Variants in GLP2R observed in about 807,000 individuals in gnomAD.
GLP2R encodes glucagon like peptide 2 receptor.
Under a neutral mutation model 68.2 loss-of-function variants are expected in GLP2R, and 59 were observed. The observed-to-expected ratio is 0.87, with a 90% CI of 0.70 to 1.07. The LOEUF (loss-of-function observed/expected upper bound fraction) is 1.07. Ranked by LOEUF, GLP2R falls within the 50% of genes least tolerant of loss-of-function variation. GLP2R has a pLI of 0.00. For missense variants in GLP2R, 548 were observed against 677.4 expected (o/e 0.81, Z 2.12); for synonymous variants, 270 against 265.4 (o/e 1.02, Z -0.17).
intron 9 of GLP2R, among the ~76,000 whole-genome samples, chr17:9,862,819 G>A (rs114484522): frequency 1.1e-3 from 165 of 152,274 alleles, no homozygotes; most frequent in African/African-American, 3.6e-3. Context: ...TGAACACTAC[G>A]TGTTGTTCTC....
chr17:9,867,093 C>T (rs1265940608), intron 9 of GLP2R: 1 of 152,192 alleles, frequency 6.6e-6, no homozygotes, highest in East Asian at 1.9e-4. Flanking sequence ...CTTGGCATTT[C>T]TAGGTACTTA....
intron 11 of GLP2R, among the ~76,000 whole-genome samples, chr17:9,885,235 G>A (rs973111507): frequency 1.3e-5 from 2 of 151,118 alleles, no homozygotes; most frequent in African/African-American, 4.9e-5. Context: ...TGTTGCCCAG[G>A]CTGGAGTGCA....
At chr17:9,830,386 G>A (rs2066669975) in intron 1 of GLP2R, among the ~76,000 whole-genome samples, 1 of 152,186 alleles carries the variant, frequency 6.6e-6, no homozygotes, top group South Asian at 2.1e-4. Context: ...CAACTCATCT[G>A]CTGAATTTGT....
Position 9,842,527 on chromosome 17 carries a change from G to A in GLP2R, c.415G>A (p.Ala139Thr). 10 of 1,614,110 alleles carry A rather than the reference G, an allele frequency of 6.2e-6. No individual in the cohort carries two copies. Among genetic ancestry groups the A allele is most frequent in the South Asian group, 1.1e-5 (1 of 91,072 alleles). ...SSGRAYRHCL[A>T]QGTWQTIENA... ...AGGAAGGGCCTACAGACACTGCTTG[G>A]CTCAGGGGACTTGGCAGACGATAGA... Residue 139 changes from alanine to threonine, a missense_variant, in exon 4 of 13, where the codon GCT (alanine) becomes ACT (threonine). Coordinates refer to ENST00000262441, the MANE Select transcript of GLP2R (RefSeq NM_004246.3).
At chr17:9,836,039 CAAAAAAA>C (rs10706067) in intron 2 of GLP2R, among the ~76,000 whole-genome samples, 16 of 87,194 alleles carry the variant, frequency 1.8e-4, no homozygotes, top group South Asian at 4.1e-4. Flanking sequence ...ACTCCATCTC[CAAAAAAA>C]AAAAAAAAAA....
In GLP2R at chr17:9,878,762, C is replaced by T. The variant is rs571785431; in HGVS notation, c.1146-1616C>T. Among the ~76,000 whole-genome samples the T allele has an allele frequency of 2.0e-5, 3 of 152,278 alleles. No individual in the cohort carries two copies. The South Asian group carries it at 6.2e-4, about 32-fold the overall frequency. ...TTGATAACATTGCATCTGAATGGCCCTTGCAGACATAGGATTCATAGTAAG... is the reference window on the plus strand; with the variant it reads ...TTGATAACATTGCATCTGAATGGCCTTTGCAGACATAGGATTCATAGTAAG... On this transcript the variant is annotated intron_variant, in intron 10 of 12. Coordinates refer to ENST00000262441, the MANE Select transcript of GLP2R (RefSeq NM_004246.3).
At chr17:9,887,882 C>T in intron 11 of GLP2R, 50 bp from the exon 12 acceptor site, 1 of 1,420,878 alleles carries the variant, frequency 7.0e-7, no homozygotes, top group Non-Finnish European at 1.0e-6. Context: ...AACTCTCAGA[C>T]ACATCTTCTC....
chr17:9,883,889 C>A (rs2067218776), intron 11 of GLP2R, among the ~76,000 whole-genome samples: 1 of 152,130 alleles, frequency 6.6e-6, no homozygotes. Context: ...AAAACGACAA[C>A]AGACAGCAAC....
rs192127069 is a variant in GLP2R at position 9,860,287 on chromosome 17, C to T, written c.925+186C>T. Among the ~76,000 whole-genome samples the T allele has an allele frequency of 9.8e-5, 15 of 152,304 alleles. No individual in the cohort carries two copies. The East Asian group carries it at 2.7e-3, about 27-fold the overall frequency. ...CAAATGCACACATATGCACAGGGGC[C>T]ATAGGCCCAACAGCCCAATGGACAC... is the stretch of plus-strand genomic sequence containing the variant. On this transcript the variant is annotated intron_variant, in intron 7 of 12. Transcript: ENST00000262441.
intron 1 of GLP2R, among the ~76,000 whole-genome samples, chr17:9,829,020 T>C (rs1034689901): frequency 1.3e-5 from 2 of 152,196 alleles, no homozygotes; most frequent in Non-Finnish European, 2.9e-5. Context: ...GTGAAGACTT[T>C]CATGATAAAT....
Position 9,854,585 on chromosome 17 carries a change from C to G in GLP2R, c.595C>G (p.Leu199Val). Residue 199 changes from leucine to valine, a missense_variant, in exon 5 of 13, where the codon CTC (leucine) becomes GTC (valine). Physicochemically the swap from Leu to Val is conservative, Grantham distance 32. Coordinates refer to ENST00000262441, the MANE Select transcript of GLP2R (RefSeq NM_004246.3). ...TATCTCCCTCTTCCTGGCTCTCACC[C>G]TCCTCTTGTTTCTTCGGTGAGTAGA... ...SLISLFLALT[L>V]LLFLRKLHCT... 2 of 1,599,300 alleles carry G rather than the reference C, an allele frequency of 1.3e-6. No individual in the cohort carries two copies. Among genetic ancestry groups the G allele is most frequent in the Non-Finnish European group, 8.6e-7 (1 of 1,166,496 alleles).
At chr17:9,878,455 C>A (rs1169031189) in intron 10 of GLP2R, among the ~76,000 whole-genome samples, 6 of 152,206 alleles carry the variant, frequency 3.9e-5, no homozygotes, top group Non-Finnish European at 8.8e-5. Context: ...AAATACAAAA[C>A]CCTTGAAATG....
chr17:9,841,684 T>C (rs1333404474), intron 3 of GLP2R, among the ~76,000 whole-genome samples: 1 of 152,116 alleles, frequency 6.6e-6, no homozygotes, highest in Admixed American at 6.5e-5. Flanking sequence ...GAGATGTCAA[T>C]TAGACACCCT....
chr17:9,845,574 C>T (rs2066829290), intron 4 of GLP2R, among the ~76,000 whole-genome samples: 1 of 152,154 alleles, frequency 6.6e-6, no homozygotes, highest in African/African-American at 2.4e-5. Flanking sequence ...TATTGCGTTT[C>T]TTTTCTTTTC....
intron 10 of GLP2R, among the ~76,000 whole-genome samples, chr17:9,874,267 G>C (rs950391543): frequency 1.3e-5 from 2 of 152,162 alleles, no homozygotes; most frequent in Non-Finnish European, 2.9e-5. Flanking sequence ...CAGGGTGACT[G>C]CTTTGTGGGG....
At position 9,833,855 on chromosome 17, in the gene GLP2R, A is replaced by G. The variant is rs145268436; in HGVS notation, c.238A>G (p.Lys80Glu). 41 of 1,613,456 alleles carry G rather than the reference A, an allele frequency of 2.5e-5. No homozygotes were observed. Among genetic ancestry groups the G allele is most frequent in the Admixed American group, 5.0e-5 (3 of 60,002 alleles). ...AACGACTCGGAAGTGGGCTCAGTAC[A>G]AACAGGCATGTCTGAGAGACTTACT... ...EETTRKWAQY[K>E]QACLRDLLKE... The change falls in exon 2 of 13, where the codon AAA becomes GAA. Residue 80 changes from lysine to glutamate, a missense_variant. Physicochemically the swap from Lys to Glu is moderately conservative, Grantham distance 56. Coordinates refer to ENST00000262441, the MANE Select transcript of GLP2R (RefSeq NM_004246.3).
intron 4 of GLP2R, among the ~76,000 whole-genome samples, chr17:9,847,077 A>G (rs935585199): frequency 3.9e-5 from 6 of 152,252 alleles, no homozygotes; most frequent in African/African-American, 1.4e-4. Flanking sequence ...TCAAGCTACC[A>G]GTGTGACCGC....
chr17:9,847,558 G>A (rs1008575883), intron 4 of GLP2R, among the ~76,000 whole-genome samples: 9 of 152,014 alleles, frequency 5.9e-5, no homozygotes, highest in Admixed American at 2.0e-4. Context: ...GTGAGCCACC[G>A]CGCCCGGCCA....
chr17:9,873,459 G>A (rs16958888), intron 10 of GLP2R, among the ~76,000 whole-genome samples: 7,774 of 151,932 alleles, frequency 0.051, 698 homozygotes, highest in African/African-American at 0.18. Flanking sequence ...CCATAAATGC[G>A]GGATAGAACC....
Sources: allele counts gnomAD v4.1 joint callset (sites outside exome capture counted in the v4.1 genomes callset), GRCh38; gene constraint gnomAD v4.1.1; transcripts MANE v1.5; gene names NCBI Gene and HGNC (gene_info 2026-07-23, HGNC 2026-07-21).